RBM46: variants seen among roughly 807,000 people sequenced by gnomAD.
RBM46 encodes RNA binding motif protein 46.
In RBM46, 12 loss-of-function variants were observed where a neutral mutation model predicts 43.3. The ratio of observed to expected loss-of-function variants is 0.28; its 90% CI spans 0.18 to 0.45. The LOEUF (loss-of-function observed/expected upper bound fraction) is 0.45. Among genes scored for constraint, RBM46 ranks in the 20% least tolerant of loss-of-function variants. The pLI is 1.00. For synonymous variants in RBM46, 205 were observed against 207.6 expected, an observed-to-expected ratio of 0.99 and a Z score of 0.11; for missense variants, 412 against 639.1, an observed-to-expected ratio of 0.64 and a Z score of 3.83.
intron 1 of RBM46, among the ~76,000 whole-genome samples, chr4:154,789,801 T>G (rs1332046178): frequency 6.6e-6 from 1 of 152,198 alleles, no homozygotes; most frequent in Non-Finnish European, 1.5e-5. Context: ...ATCCATCTGG[T>G]CCTGGACTTT....
intron 4 of RBM46, among the ~76,000 whole-genome samples, chr4:154,801,306 G>GGTAA (rs1278186463): frequency 6.6e-6 from 1 of 152,094 alleles, no homozygotes; most frequent in Non-Finnish European, 1.5e-5. Flanking sequence ...TGGGACTAAA[G>GGTAA]GTAAGGTTCT....
chr4:154,798,309 C>T (rs1459711163), intron 3 of RBM46, 31 bp downstream of exon 3: 46 of 1,353,850 alleles, frequency 3.4e-5, no homozygotes, highest in Non-Finnish European at 4.4e-5. Flanking sequence ...TCAATATTAA[C>T]ATTATTACAA....
intron 1 of RBM46, among the ~76,000 whole-genome samples, chr4:154,794,900 T>A (rs924583274): frequency 4.0e-5 from 6 of 150,368 alleles, no homozygotes; most frequent in African/African-American, 7.3e-5. Flanking sequence ...TTTTTTTTTT[T>A]AATCATCTGT....
intron 4 of RBM46, chr4:154,826,757 T>C (rs62327568): frequency 8.4e-5 from 109 of 1,299,232 alleles, no homozygotes; most frequent in East Asian, 7.8e-4. Context: ...TTTTTTTTTT[T>C]CCTGAACTAG....
Position 154,828,212 on chromosome 4 carries a change from AT to A in RBM46, c.*147del. The A allele has an allele frequency of 1.6e-6, 1 of 632,700 alleles. No individual in the cohort carries two copies. Among genetic ancestry groups the A allele is most frequent in the Non-Finnish European group, 2.8e-6 (1 of 362,378 alleles). 39.2% of individuals were successfully genotyped at this position (632,700 alleles called of 1,614,324 possible). ...TCCAAAGTACTAAACATCAGCTATA[AT>A]TCAGAATAACATGGAGTTGTAGAAT... On this transcript the variant is annotated 3_prime_UTR_variant, in exon 5 of 5. Transcript: ENST00000281722.
chr4:154,799,124 G>A lies in RBM46; in HGVS notation c.962G>A (p.Gly321Asp). 1 of 1,614,024 alleles carries A rather than the reference G, an allele frequency of 6.2e-7. No individual in the cohort carries two copies. The highest frequency in any genetic ancestry group is 8.5e-7 in the Non-Finnish European group (1 of 1,179,958). The part of the protein sequence containing the change: ...KENTWRQHLN[G>D]QISPNSENLI... ...AACACTTGGAGACAGCATCTTAATG[G>A]TCAGATTAGTCCAAATTCTGAAAAT... The change falls in exon 4 of 5, where the codon GGT (glycine) becomes GAT (aspartate). Residue 321 changes from glycine (G) to aspartate (D), a missense_variant. Gly to Asp is a moderately conservative substitution (Grantham distance 94, BLOSUM62 -1). Transcript: ENST00000281722.
intron 1 of RBM46, among the ~76,000 whole-genome samples, chr4:154,795,157 C>T (rs1177075894): frequency 6.6e-6 from 1 of 151,976 alleles, no homozygotes; most frequent in East Asian, 1.9e-4. Flanking sequence ...CTATTTTAAA[C>T]CCTTTATTTT....
At chr4:154,800,152 G>GT (rs1351465974) in intron 4 of RBM46, among the ~76,000 whole-genome samples, 1 of 152,022 alleles carries the variant, frequency 6.6e-6, no homozygotes, top group Non-Finnish European at 1.5e-5. Flanking sequence ...TTAATTTATT[G>GT]TTTTTTTAAT....
At chr4:154,781,578 G>C (rs1176839875) in intron 1 of RBM46, 142 bp downstream of exon 1, 3 of 152,424 alleles carry the variant, frequency 2.0e-5, no homozygotes, top group Non-Finnish European at 4.4e-5. Context: ...CCCCAGCCCC[G>C]TCGAGCAGTG....
intron 2 of RBM46, 132 bp from the exon 3 acceptor site, chr4:154,797,679 A>G (rs1158102324): frequency 1.1e-5 from 6 of 538,070 alleles, no homozygotes; most frequent in Non-Finnish European, 1.9e-5. Flanking sequence ...TATTTTGTCC[A>G]CTGTTGTATC....
chr4:154,816,412 C>T (rs755080495), intron 4 of RBM46, among the ~76,000 whole-genome samples: 1 of 152,034 alleles, frequency 6.6e-6, no homozygotes, highest in African/African-American at 2.4e-5. Flanking sequence ...AAAAAATTTG[C>T]TCTCTCAGTA....
At chr4:154,782,871 A>G (rs1190905828) in intron 1 of RBM46, among the ~76,000 whole-genome samples, 1 of 152,190 alleles carries the variant, frequency 6.6e-6, no homozygotes. Context: ...TGCGTGTATA[A>G]GGAGAATAAC....
rs186331919 is a variant in RBM46 at position 154,804,573 on chromosome 4, A to G, written c.1402+5009A>G. ...GTCCTGGAGAATACTTAGTGGAAAG[A>G]GGAAGGTAGTCTTATCTGTATTGAT... On this transcript the variant is annotated intron_variant, in intron 4 of 4. Coordinates refer to ENST00000281722, the MANE Select transcript of RBM46 (RefSeq NM_144979.5). Among the ~76,000 whole-genome samples the G allele has an allele frequency of 1.5e-3, 223 of 152,324 alleles. 1 individual carries two copies. Among genetic ancestry groups the G allele is most frequent in the African/African-American group, 5.1e-3 (213 of 41,588 alleles).
At chr4:154,804,650 C>T (rs1246825989) in intron 4 of RBM46, among the ~76,000 whole-genome samples, 1 of 152,100 alleles carries the variant, frequency 6.6e-6, no homozygotes, top group Admixed American at 6.6e-5. Context: ...CAGGGCATCT[C>T]TTCTGTGTTT....
intron 1 of RBM46, among the ~76,000 whole-genome samples, chr4:154,783,285 A>T (rs1285224864): frequency 6.6e-6 from 1 of 152,206 alleles, no homozygotes; most frequent in Non-Finnish European, 1.5e-5. Flanking sequence ...CAACACTTAA[A>T]ATATATGCAT....
At chr4:154,783,150 TGAC>T (rs1215563934) in intron 1 of RBM46, among the ~76,000 whole-genome samples, 1 of 152,242 alleles carries the variant, frequency 6.6e-6, no homozygotes, top group African/African-American at 2.4e-5. Context: ...GACATAAAGA[TGAC>T]AGTGCTGCCT....
intron 1 of RBM46, among the ~76,000 whole-genome samples, chr4:154,793,293 G>C (rs1163983773): frequency 2.0e-5 from 3 of 152,094 alleles, no homozygotes; most frequent in African/African-American, 7.2e-5. Context: ...TTTCTAGACT[G>C]TTATTTCTAT....
intron 1 of RBM46, among the ~76,000 whole-genome samples, chr4:154,784,624 A>G (rs188217077): frequency 1.3e-5 from 2 of 152,340 alleles, no homozygotes; most frequent in Non-Finnish European, 2.9e-5. Context: ...CATATCTGAA[A>G]GCTAGAGTTA....
At chr4:154,818,344 G>C (rs1023308609) in intron 4 of RBM46, among the ~76,000 whole-genome samples, 1 of 152,054 alleles carries the variant, frequency 6.6e-6, no homozygotes, top group African/African-American at 2.4e-5. Flanking sequence ...CATTTGAAAG[G>C]TTATTTTTGC....
Sources: allele counts gnomAD v4.1 joint callset (sites outside exome capture counted in the v4.1 genomes callset), GRCh38; gene constraint gnomAD v4.1.1; transcripts MANE v1.5; gene names NCBI Gene and HGNC (gene_info 2026-07-23, HGNC 2026-07-21).